The following SPAG17 variants were observed in gnomAD, a reference collection of about 807,000 sequenced individuals.
SPAG17 encodes sperm associated antigen 17, also known as sperm-associated antigen 17.
A neutral mutation model predicts 273.6 loss-of-function variants in SPAG17; 169 were observed. The observed-to-expected ratio is 0.62, with a 90% confidence interval of 0.55 to 0.70. The LOEUF (loss-of-function observed/expected upper bound fraction) is 0.70. Among genes scored for constraint, SPAG17 ranks in the 30% least tolerant of loss-of-function variants. The probability of loss-of-function intolerance (pLI) is 0.00; values close to 1 mark genes in which losing one functional copy is unlikely to be tolerated. For synonymous variants in SPAG17, 825 were observed against 873.2 expected, an observed-to-expected ratio of 0.94 and a Z score of 0.97; for missense variants, 2,557 against 2,627.8, an observed-to-expected ratio of 0.97 and a Z score of 0.59.
In SPAG17 at chr1:118,182,238, A is replaced by G. The variant is rs553730839; in HGVS notation, c.87+2833T>C. On this transcript the variant is annotated intron_variant, in intron 1 of 48. Coordinates refer to ENST00000336338, the MANE Select transcript of SPAG17 (RefSeq NM_206996.4). Reference sequence around the variant, plus strand: ...TCCACTTACATGAAGTACCTAAAGTAGTCAAATTTGGAGAGAAAGAAAGTA... The same window carrying G: ...TCCACTTACATGAAGTACCTAAAGTGGTCAAATTTGGAGAGAAAGAAAGTA... 1.9e-4 allele frequency among the ~76,000 whole-genome samples: 29 copies of G among 152,324 alleles called. No homozygotes were observed. The South Asian group carries it at 4.6e-3, about 24-fold the overall frequency.
At chr1:117,966,982 ACCAG>A (rs1199359865) in intron 46 of SPAG17, among the ~76,000 whole-genome samples, 1 of 152,144 alleles carries the variant, frequency 6.6e-6, no homozygotes, top group Non-Finnish European at 1.5e-5. Context: ...GAAGGGGCAA[ACCAG>A]GTGCTATTTA....
At chr1:117,998,431 G>A (rs1657902731) in intron 32 of SPAG17, among the ~76,000 whole-genome samples, 2 of 151,972 alleles carry the variant, frequency 1.3e-5, no homozygotes, top group Admixed American at 1.3e-4. Flanking sequence ...TTTTAGTACT[G>A]GTATCATGCT....
chr1:118,077,554 A>C (rs1451236677), intron 15 of SPAG17, among the ~76,000 whole-genome samples: 1 of 152,126 alleles, frequency 6.6e-6, no homozygotes, highest in Non-Finnish European at 1.5e-5. Flanking sequence ...AAAATGAAAC[A>C]AAACAAAGAA....
At chr1:118,054,699 A>T (rs186280815) in intron 19 of SPAG17, among the ~76,000 whole-genome samples, 30 of 152,078 alleles carry the variant, frequency 2.0e-4, no homozygotes, top group Admixed American at 5.9e-4. Flanking sequence ...CCATTTTTTT[A>T]AAAAATATAG....
intron 3 of SPAG17, among the ~76,000 whole-genome samples, chr1:118,141,349 A>G (rs1377336833): frequency 6.6e-6 from 1 of 152,226 alleles, no homozygotes; most frequent in Non-Finnish European, 1.5e-5. Flanking sequence ...CACCTGTACT[A>G]TAAACCTAAT....
At chr1:118,173,595 C>T (rs1660517818) in intron 1 of SPAG17, among the ~76,000 whole-genome samples, 1 of 152,036 alleles carries the variant, frequency 6.6e-6, no homozygotes, top group Admixed American at 6.5e-5. Flanking sequence ...ACATCTAAGG[C>T]CCTGAGAGGA....
intron 43 of SPAG17, among the ~76,000 whole-genome samples, chr1:117,979,812 C>T (rs1001326255): frequency 3.9e-5 from 6 of 152,170 alleles, no homozygotes; most frequent in African/African-American, 1.4e-4. Context: ...TATTGCTCTC[C>T]TAATCTTTGC....
chr1:118,155,061 T>G (rs1180095058), intron 1 of SPAG17, among the ~76,000 whole-genome samples: 1 of 152,136 alleles, frequency 6.6e-6, no homozygotes, highest in Non-Finnish European at 1.5e-5. Context: ...CCTGGAGGCA[T>G]GTATTGTACA....
At chr1:118,022,215 C>T (rs532687145) in intron 28 of SPAG17, among the ~76,000 whole-genome samples, 38 of 152,222 alleles carry the variant, frequency 2.5e-4, no homozygotes, top group Non-Finnish European at 5.3e-4. Flanking sequence ...TACTTAACTT[C>T]TCTCCCTCAA....
At chr1:118,144,618 G>A (rs1362813819) in intron 3 of SPAG17, among the ~76,000 whole-genome samples, 1 of 152,110 alleles carries the variant, frequency 6.6e-6, no homozygotes, top group Non-Finnish European at 1.5e-5. Flanking sequence ...TTCCATCAGG[G>A]GTTATTTCTG....
chr1:118,147,635 T>C (rs1249689504), intron 3 of SPAG17, among the ~76,000 whole-genome samples: 1 of 152,216 alleles, frequency 6.6e-6, no homozygotes, highest in Non-Finnish European at 1.5e-5. Context: ...AACTATGGTT[T>C]ATAAATAAAG....
intron 3 of SPAG17, among the ~76,000 whole-genome samples, chr1:118,128,114 C>T (rs1157357037): frequency 6.6e-6 from 1 of 151,222 alleles, no homozygotes; most frequent in African/African-American, 2.4e-5. Context: ...CAGCAAGATT[C>T]CATTTCAAAA....
Position 118,103,528 on chromosome 1 carries a change from G to A in SPAG17, c.448-1602C>T, listed in dbSNP as rs6697755. On this transcript the variant is annotated intron_variant, in intron 4 of 48. Transcript: ENST00000336338. ...GAGGCAGCAACGAGAGCACAGGTAA[G>A]GTACAGAAGAGTGAAAGGGTCCTAG... Among the ~76,000 whole-genome samples, 998 of 152,230 alleles carry A rather than the reference G, an allele frequency of 6.6e-3. 10 individuals are homozygous for A. The highest frequency in any genetic ancestry group is 0.023 in the African/African-American group (947 of 41,532).
intron 1 of SPAG17, among the ~76,000 whole-genome samples, chr1:118,178,948 G>C (rs190913632): frequency 1.5e-3 from 226 of 152,002 alleles, no homozygotes; most frequent in Non-Finnish European, 2.4e-3. Flanking sequence ...GTAAGAGATT[G>C]AAGAGGATAT....
In SPAG17 at chr1:118,081,180, G is replaced by A. The variant is rs760958676; in HGVS notation, c.2130C>T (p.Leu710=). The A allele has an allele frequency of 1.2e-5, 20 of 1,613,848 alleles. No homozygotes were observed. The highest frequency in any genetic ancestry group is 1.4e-5 in the Non-Finnish European group (17 of 1,179,984). ...NNMKHSDLNN[L]KLSVPDNRQL... ...GTCTATTATCAGGGACTGAGAGTTT[G>A]AGATTATTCAAGTCAGAATGCTTCA... The change falls in exon 15 of 49, where the codon CTC becomes CTT. Residue 710 remains leucine (L), a synonymous_variant. Coordinates refer to ENST00000336338, the MANE Select transcript of SPAG17 (RefSeq NM_206996.4).
chr1:118,055,805 G>C lies in SPAG17; in HGVS notation c.2650C>G (p.Leu884Val). The C allele has an allele frequency of 6.2e-7, 1 of 1,613,108 alleles. No individual in the cohort carries two copies. Among genetic ancestry groups the C allele is most frequent in the South Asian group, 1.1e-5 (1 of 90,864 alleles). The change falls in exon 19 of 49, where the codon CTG (leucine) becomes GTG (valine). Residue 884 changes from leucine to valine, a missense_variant. Transcript: ENST00000336338. Reference protein sequence around the residue: ...NEKIIRTRAELELKSSANAKL... With the variant: ...NEKIIRTRAEVELKSSANAKL... Reference sequence around the variant, plus strand: ...GCATTAGCAGAAGATTTCAATTCCAGCTCAGCTCTGGTCCTGATGATTTTC... The same window carrying C: ...GCATTAGCAGAAGATTTCAATTCCACCTCAGCTCTGGTCCTGATGATTTTC...
At chr1:118,146,293 C>A (rs1210687037) in intron 3 of SPAG17, among the ~76,000 whole-genome samples, 1 of 152,156 alleles carries the variant, frequency 6.6e-6, no homozygotes, top group African/African-American at 2.4e-5. Flanking sequence ...TGAATGACTA[C>A]TGATATTTTC....
rs1486276294 is a variant in SPAG17, at chr1:117,988,301, CTATA to C, written c.5522-101_5522-98del. ...CTCATTTGAGATGCCTGTTAAGAGC[CTATA>C]TAGTTAATCTATCAAGTGTTTACTA... On this transcript the variant is annotated intron_variant, in intron 38 of 48. Transcript: ENST00000336338. 3 of 793,220 alleles carry C rather than the reference CTATA, an allele frequency of 3.8e-6. No homozygotes were observed. The African/African-American group carries it at 5.3e-5, about 14-fold the overall frequency. The allele number at this position is 793,220 out of a possible 1,614,324, so 49.1% of individuals were successfully genotyped here. A position where few individuals can be genotyped will look rare whatever the true frequency, so the allele number is the denominator to read the frequency against.
intron 8 of SPAG17, 148 bp from the exon 9 acceptor site, chr1:118,092,150 A>G (rs1252443344): frequency 7.1e-6 from 5 of 699,906 alleles, no homozygotes; most frequent in Non-Finnish European, 1.2e-5. Flanking sequence ...TTAGAACCAA[A>G]GGAAAAGAGT....
Sources: gnomAD v4.1 joint callset for allele counts (sites outside exome capture counted in the v4.1 genomes callset) on GRCh38, gnomAD v4.1.1 for gene constraint, MANE v1.5 for transcripts, NCBI Gene and HGNC (gene_info 2026-07-23, HGNC 2026-07-21) for gene names.